PLEKHM3: variants seen among roughly 807,000 people sequenced by gnomAD.
PLEKHM3 encodes pleckstrin homology domain-containing family M member 3.
In PLEKHM3, 45 loss-of-function variants were observed where a neutral mutation model predicts 81.8. That is an observed-to-expected ratio of 0.55 (90% CI 0.43 to 0.71). The LOEUF (loss-of-function observed/expected upper bound fraction) is 0.71, where lower values mean the gene tolerates loss of function less well. Ranked by LOEUF, PLEKHM3 falls within the 30% of genes least tolerant of loss-of-function variation. PLEKHM3 has a pLI of 0.00. For missense variants in PLEKHM3, 788 were observed against 924.3 expected, an observed-to-expected ratio of 0.85 and a Z score of 1.91; for synonymous variants, 352 against 356.4, an observed-to-expected ratio of 0.99 and a Z score of 0.14.
At chr2:207,917,102 A>C (rs1215984825) in intron 5 of PLEKHM3, among the ~76,000 whole-genome samples, 1 of 152,230 alleles carries the variant, frequency 6.6e-6, no homozygotes, top group African/African-American at 2.4e-5. Flanking sequence ...AAGTCATCTA[A>C]TGGAAAAGAA....
intron 2 of PLEKHM3, among the ~76,000 whole-genome samples, chr2:207,985,875 C>T (rs1299047822): frequency 6.6e-6 from 1 of 151,684 alleles, no homozygotes; most frequent in African/African-American, 2.4e-5. Context: ...GTAGTCCCAG[C>T]TACTCGGGAA....
At chr2:207,984,636 C>T (rs1691653942) in intron 2 of PLEKHM3, among the ~76,000 whole-genome samples, 1 of 152,226 alleles carries the variant, frequency 6.6e-6, no homozygotes, top group African/African-American at 2.4e-5. Flanking sequence ...CCACCTCGGC[C>T]TCCCAAAGTG....
intron 6 of PLEKHM3, among the ~76,000 whole-genome samples, chr2:207,891,134 A>C (rs890916122): frequency 6.6e-6 from 1 of 152,366 alleles, no homozygotes; most frequent in Admixed American, 6.5e-5. Flanking sequence ...GTAACATTTC[A>C]GATAGTTTCT....
At chr2:207,953,687 G>A (rs544920524) in intron 3 of PLEKHM3, among the ~76,000 whole-genome samples, 66 of 152,232 alleles carry the variant, frequency 4.3e-4, no homozygotes, top group African/African-American at 1.6e-3. Context: ...GCACATGCCT[G>A]TAATCCCAGC....
intron 3 of PLEKHM3, among the ~76,000 whole-genome samples, chr2:207,957,636 T>G (rs1172126061): frequency 6.6e-6 from 1 of 152,144 alleles, no homozygotes; most frequent in African/African-American, 2.4e-5. Context: ...AGACGGAGGT[T>G]GCAGTGAGCC....
intron 1 of PLEKHM3, among the ~76,000 whole-genome samples, chr2:208,007,808 C>G (rs1343380746): frequency 1.3e-5 from 2 of 152,100 alleles, no homozygotes; most frequent in African/African-American, 4.8e-5. Context: ...GTAATCCCAG[C>G]ACTTTGGGAG....
chr2:207,823,053 C>G lies in PLEKHM3; in HGVS notation c.*5266G>C, dbSNP rs1430393657. 6.6e-6 allele frequency: 1 copy of G among 152,222 alleles called. No individual in the cohort carries two copies. Among genetic ancestry groups the G allele is most frequent in the Non-Finnish European group, 1.5e-5 (1 of 68,044 alleles). 9.4% of individuals were successfully genotyped at this position (152,222 alleles called of 1,614,324 possible). A position where few individuals can be genotyped will look rare whatever the true frequency, so the allele number is the denominator to read the frequency against. The stretch of plus-strand genomic sequence containing the variant: ...AAGAGTTAGGAGTTGCTGTGAGTTG[C>G]TGTAGGTGCCTGAATCTTCTACTCT... On this transcript the variant is annotated 3_prime_UTR_variant, in exon 8 of 8. Transcript: ENST00000427836.
intron 6 of PLEKHM3, among the ~76,000 whole-genome samples, chr2:207,905,942 G>C (rs958233922): frequency 1.3e-5 from 2 of 152,108 alleles, no homozygotes; most frequent in Non-Finnish European, 2.9e-5. Flanking sequence ...AAAAAGAAAA[G>C]GGGGTGGAGA....
At chr2:207,862,837 T>C (rs1393744193) in intron 6 of PLEKHM3, among the ~76,000 whole-genome samples, 1 of 152,222 alleles carries the variant, frequency 6.6e-6, no homozygotes, top group East Asian at 1.9e-4. Flanking sequence ...AAGTGGTTTT[T>C]AAACATCATG....
chr2:207,992,926 A>T (rs1471955649), intron 2 of PLEKHM3, among the ~76,000 whole-genome samples: 1 of 152,152 alleles, frequency 6.6e-6, no homozygotes, highest in Non-Finnish European at 1.5e-5. Flanking sequence ...AAAGGTTCAA[A>T]AGCAAGAAGG....
intron 2 of PLEKHM3, among the ~76,000 whole-genome samples, chr2:207,994,791 A>G (rs2106076723): frequency 6.6e-6 from 1 of 152,326 alleles, no homozygotes; most frequent in South Asian, 2.1e-4. Context: ...CAATCCTCAG[A>G]TGATGGAAAT....
At chr2:207,840,194 G>T (rs1371951231) in intron 7 of PLEKHM3, among the ~76,000 whole-genome samples, 1 of 152,168 alleles carries the variant, frequency 6.6e-6, no homozygotes, top group Non-Finnish European at 1.5e-5. Context: ...TGTGGGTTTT[G>T]TTTTTTGTTT....
chr2:207,970,054 A>AC (rs1691058244), intron 3 of PLEKHM3, among the ~76,000 whole-genome samples: 1 of 152,164 alleles, frequency 6.6e-6, no homozygotes, highest in African/African-American at 2.4e-5. Flanking sequence ...AGGCTTAAAC[A>AC]GAGTACGGGG....
chr2:208,021,405 C>G (rs945362907), intron 1 of PLEKHM3, among the ~76,000 whole-genome samples: 3 of 152,222 alleles, frequency 2.0e-5, no homozygotes. Flanking sequence ...ATGAAGCTTT[C>G]ACTTATTACC....
intron 1 of PLEKHM3, 57 bp from the exon 2 acceptor site, chr2:208,002,014 A>G (rs1049248656): frequency 9.4e-6 from 2 of 211,964 alleles, no homozygotes; most frequent in Non-Finnish European, 1.9e-5. Context: ...TCTACAGTAC[A>G]CAAGTCTGCC....
intron 1 of PLEKHM3, among the ~76,000 whole-genome samples, chr2:208,004,528 G>T (rs1338701993): frequency 6.6e-6 from 1 of 152,140 alleles, no homozygotes; most frequent in Non-Finnish European, 1.5e-5. Flanking sequence ...TTGGCCTTTG[G>T]GATTATGTTT....
At chr2:207,902,209 A>T (rs2105890422) in intron 6 of PLEKHM3, among the ~76,000 whole-genome samples, 1 of 152,278 alleles carries the variant, frequency 6.6e-6, no homozygotes, top group East Asian at 1.9e-4. Context: ...TCTTTGGTGA[A>T]AGGGCAGCTG....
chr2:207,847,800 T>C (rs754666340), intron 7 of PLEKHM3, among the ~76,000 whole-genome samples: 2 of 152,132 alleles, frequency 1.3e-5, no homozygotes, highest in South Asian at 4.1e-4. Flanking sequence ...ACTGCAATAC[T>C]CACTGAGTGG....
intron 1 of PLEKHM3, among the ~76,000 whole-genome samples, chr2:208,019,147 A>C (rs1478021000): frequency 1.3e-5 from 2 of 152,074 alleles, no homozygotes; most frequent in African/African-American, 4.8e-5. Flanking sequence ...CAAAAAAAAA[A>C]AATTTAAAGT....
Sources: gnomAD v4.1 joint callset for allele counts (sites outside exome capture counted in the v4.1 genomes callset) on GRCh38, gnomAD v4.1.1 for gene constraint, MANE v1.5 for transcripts, NCBI Gene and HGNC (gene_info 2026-07-23, HGNC 2026-07-21) for gene names.